The following ARHGAP18 variants were observed in gnomAD, a reference collection of about 807,000 sequenced individuals.
ARHGAP18 encodes rho GTPase-activating protein 18.
A neutral mutation model predicts 86.2 loss-of-function variants in ARHGAP18; 67 were observed. The ratio of observed to expected loss-of-function variants is 0.78; its 90% CI spans 0.64 to 0.95. The LOEUF (loss-of-function observed/expected upper bound fraction) is 0.95. ARHGAP18 is among the 40% of genes least tolerant of loss of function. The pLI is 0.00. For synonymous variants in ARHGAP18, 283 were observed against 280.4 expected, an observed-to-expected ratio of 1.01 and a Z score of -0.09; for missense variants, 691 against 780.4, an observed-to-expected ratio of 0.89 and a Z score of 1.37.
chr6:129,629,595 C>T, intron 4 of ARHGAP18, 73 bp from the exon 5 acceptor site: 2 of 1,469,680 alleles, frequency 1.4e-6, no homozygotes, highest in Non-Finnish European at 1.8e-6. Context: ...AATGCATTCG[C>T]TACATAAAAA....
chr6:129,651,337 A>G (rs1242842025), intron 1 of ARHGAP18, among the ~76,000 whole-genome samples: 1 of 152,240 alleles, frequency 6.6e-6, no homozygotes, highest in Non-Finnish European at 1.5e-5. Flanking sequence ...GTGGTTGCAT[A>G]TGAGATTGTA....
At chr6:129,648,156 T>G (rs1252344189) in intron 1 of ARHGAP18, among the ~76,000 whole-genome samples, 2 of 150,730 alleles carry the variant, frequency 1.3e-5, no homozygotes, top group Non-Finnish European at 3.0e-5. Context: ...CCAATGCACT[T>G]TTTTTTTTAA....
chr6:129,625,484 A>G (rs1241506528), intron 5 of ARHGAP18, among the ~76,000 whole-genome samples: 1 of 61,370 alleles, frequency 1.6e-5, no homozygotes, highest in East Asian at 5.9e-4. Context: ...TTTATATTAT[A>G]TATTATATAT....
intron 6 of ARHGAP18, among the ~76,000 whole-genome samples, chr6:129,617,121 A>C (rs1488726713): frequency 1.3e-5 from 2 of 152,186 alleles, no homozygotes; most frequent in Admixed American, 6.5e-5. Flanking sequence ...CTACTCTTAA[A>C]TTTAACTTTG....
At chr6:129,635,036 A>G (rs1223638712) in intron 3 of ARHGAP18, among the ~76,000 whole-genome samples, 1 of 152,188 alleles carries the variant, frequency 6.6e-6, no homozygotes, top group African/African-American at 2.4e-5. Context: ...GTTTATGGAG[A>G]TGGTAAACCA....
At chr6:129,656,436 T>C (rs1465985629) in intron 1 of ARHGAP18, among the ~76,000 whole-genome samples, 3 of 151,242 alleles carry the variant, frequency 2.0e-5, no homozygotes, top group African/African-American at 7.3e-5. Flanking sequence ...AGGTCAGGAG[T>C]TCAAGACCAG....
intron 1 of ARHGAP18, among the ~76,000 whole-genome samples, chr6:129,704,548 T>C (rs997722354): frequency 1.3e-5 from 2 of 152,122 alleles, no homozygotes; most frequent in Non-Finnish European, 2.9e-5. Flanking sequence ...AAATTAATGA[T>C]CACTTTAACA....
intron 10 of ARHGAP18, among the ~76,000 whole-genome samples, chr6:129,602,495 G>GA (rs5879955): frequency 0.22 from 32,741 of 151,334 alleles, 3,482 homozygotes; most frequent in Admixed American, 0.25. Flanking sequence ...AGAATTTCTG[G>GA]AAAAAAAAAT....
chr6:129,583,830 T>C (rs750683245), intron 13 of ARHGAP18, among the ~76,000 whole-genome samples, 158 bp downstream of exon 13: 3 of 151,732 alleles, frequency 2.0e-5, no homozygotes, highest in African/African-American at 4.8e-5. Context: ...TTAAGTCTGC[T>C]GTTCTCTTCT....
At chr6:129,614,178 G>T (rs1187028014) in intron 7 of ARHGAP18, among the ~76,000 whole-genome samples, 1 of 152,050 alleles carries the variant, frequency 6.6e-6, no homozygotes, top group Non-Finnish European at 1.5e-5. Flanking sequence ...GTCCTTTTCG[G>T]GTATATAAGC....
At chr6:129,698,814 T>G (rs1403603131) in intron 1 of ARHGAP18, among the ~76,000 whole-genome samples, 5 of 150,752 alleles carry the variant, frequency 3.3e-5, no homozygotes, top group Non-Finnish European at 7.4e-5. Context: ...TGCCTCAGCC[T>G]CCCGAGTAGC....
chr6:129,625,013 A>ATATATAT (rs1562695986), intron 5 of ARHGAP18, among the ~76,000 whole-genome samples: 1 of 76,788 alleles, frequency 1.3e-5, no homozygotes, highest in African/African-American at 4.5e-5. Context: ...TATTTATATA[A>ATATATAT]TATATATGAT....
intron 1 of ARHGAP18, among the ~76,000 whole-genome samples, chr6:129,674,526 A>C (rs1774197935): frequency 6.6e-6 from 1 of 152,272 alleles, no homozygotes; most frequent in Non-Finnish European, 1.5e-5. Flanking sequence ...TATTCAGGAA[A>C]AATAAATATC....
intron 1 of ARHGAP18, among the ~76,000 whole-genome samples, chr6:129,659,388 T>C (rs976757964): frequency 6.6e-6 from 1 of 152,258 alleles, no homozygotes; most frequent in Admixed American, 6.5e-5. Context: ...AGAGAAAACC[T>C]ACTTTATTCC....
intron 4 of ARHGAP18, among the ~76,000 whole-genome samples, chr6:129,631,496 A>C (rs1264381982): frequency 6.6e-6 from 1 of 152,208 alleles, no homozygotes; most frequent in African/African-American, 2.4e-5. Flanking sequence ...GTACTGCTAC[A>C]AGAAATGGAT....
At chr6:129,641,082 C>G (rs896930781) in intron 2 of ARHGAP18, among the ~76,000 whole-genome samples, 11 of 152,044 alleles carry the variant, frequency 7.2e-5, no homozygotes, top group Non-Finnish European at 1.3e-4. Flanking sequence ...AACAGTAATG[C>G]CACCATCTAC....
At chr6:129,627,809 G>T (rs1347388191) in intron 5 of ARHGAP18, among the ~76,000 whole-genome samples, 1 of 152,104 alleles carries the variant, frequency 6.6e-6, no homozygotes, top group Non-Finnish European at 1.5e-5. Flanking sequence ...ATAAAATTAT[G>T]TGATACAATT....
Position 129,686,072 on chromosome 6 carries a change from G to A in ARHGAP18, c.113+23952C>T, listed in dbSNP as rs190079410. Among the ~76,000 whole-genome samples, 4 of 152,272 alleles carry A rather than the reference G, an allele frequency of 2.6e-5. No homozygotes were observed. The East Asian group carries it at 7.7e-4, about 29-fold the overall frequency. Reference sequence around the variant, plus strand: ...TGCTAAAGGAAAATTAAATAAATTTGGGTTTTTGCAAAAGACCCTAACACC... The same window carrying A: ...TGCTAAAGGAAAATTAAATAAATTTAGGTTTTTGCAAAAGACCCTAACACC... On this transcript the variant is annotated intron_variant, in intron 1 of 14. Coordinates refer to ENST00000368149, the MANE Select transcript of ARHGAP18 (RefSeq NM_033515.3).
At chr6:129,669,248 T>C (rs964621777) in intron 1 of ARHGAP18, among the ~76,000 whole-genome samples, 2 of 151,910 alleles carry the variant, frequency 1.3e-5, no homozygotes, top group African/African-American at 4.8e-5. Flanking sequence ...CACGGCTCAC[T>C]GCAAGCTCCG....
Sources: gnomAD v4.1 joint callset for allele counts (sites outside exome capture counted in the v4.1 genomes callset) on GRCh38, gnomAD v4.1.1 for gene constraint, MANE v1.5 for transcripts, NCBI Gene and HGNC (gene_info 2026-07-23, HGNC 2026-07-21) for gene names.